The following KCNIP4 variants were observed in gnomAD, a reference collection of about 807,000 sequenced individuals.
KCNIP4 encodes the protein potassium voltage-gated channel interacting protein 4, also known as Kv channel-interacting protein 4.
In KCNIP4, 12 loss-of-function variants were observed where a neutral mutation model predicts 34.0. That is an observed-to-expected ratio of 0.35 (90% CI 0.23 to 0.57). KCNIP4 has a LOEUF of 0.57. Ranked by LOEUF, KCNIP4 falls within the 20% of genes least tolerant of loss-of-function variation. The pLI, the probability that KCNIP4 is intolerant of heterozygous loss-of-function variation, is 0.83. For missense variants in KCNIP4, 238 were observed against 311.7 expected, an observed-to-expected ratio of 0.76 and a Z score of 1.78; for synonymous variants, 124 against 102.2, an observed-to-expected ratio of 1.21 and a Z score of -1.29.
At chr4:21,601,333 A>G (rs1827594) in intron 1 of KCNIP4, among the ~76,000 whole-genome samples, 32,091 of 151,930 alleles carry the variant, frequency 0.21, 4,164 homozygotes, top group East Asian at 0.5. Flanking sequence ...CTGTCAATTT[A>G]CCCCAACTAA....
chr4:21,292,922 C>T (rs935395207), intron 1 of KCNIP4, among the ~76,000 whole-genome samples: 1 of 152,048 alleles, frequency 6.6e-6, no homozygotes, highest in Non-Finnish European at 1.5e-5. Context: ...AGCAGGAGCT[C>T]AGTAATTATA....
At chr4:21,813,323 A>G (rs1281758293) in intron 1 of KCNIP4, among the ~76,000 whole-genome samples, 1 of 152,220 alleles carries the variant, frequency 6.6e-6, no homozygotes, top group Non-Finnish European at 1.5e-5. Flanking sequence ...TAACAAGAAC[A>G]AATAGTATTA....
At chr4:21,130,355 A>G (rs1750970413) in intron 1 of KCNIP4, among the ~76,000 whole-genome samples, 1 of 152,200 alleles carries the variant, frequency 6.6e-6, no homozygotes, top group South Asian at 2.1e-4. Flanking sequence ...GAACCATTAC[A>G]GAAGTTAAAA....
At chr4:21,904,562 G>T (rs1037481303) in intron 1 of KCNIP4, among the ~76,000 whole-genome samples, 5 of 152,178 alleles carry the variant, frequency 3.3e-5, no homozygotes, top group African/African-American at 1.2e-4. Context: ...GAAATCTACT[G>T]TAGAAGTTTA....
intron 1 of KCNIP4, among the ~76,000 whole-genome samples, chr4:21,891,238 T>C (rs371194785): frequency 1.3e-5 from 2 of 152,262 alleles, no homozygotes; most frequent in East Asian, 3.9e-4. Flanking sequence ...ATTCAGGGTA[T>C]GCTTAAATTA....
intron 1 of KCNIP4, among the ~76,000 whole-genome samples, chr4:21,652,147 C>A (rs561769166): frequency 3.9e-5 from 6 of 152,244 alleles, no homozygotes; most frequent in African/African-American, 1.2e-4. Flanking sequence ...AAAAGTTGTG[C>A]TTCTCATTGA....
chr4:21,598,254 T>A (rs1742812666), intron 1 of KCNIP4, among the ~76,000 whole-genome samples: 1 of 152,100 alleles, frequency 6.6e-6, no homozygotes, highest in South Asian at 2.1e-4. Flanking sequence ...AAAAGGTTAA[T>A]CAGCTAGACC....
Position 20,749,791 on chromosome 4 carries a change from T to G in KCNIP4, c.359-59A>C, listed in dbSNP as rs1753252192. The G allele has an allele frequency of 2.0e-5, 23 of 1,134,098 alleles. No individual in the cohort carries two copies. The South Asian group carries it at 3.0e-4, about 15-fold the overall frequency. The allele number at this position is 1,134,098 out of a possible 1,614,324, so 70.3% of individuals were successfully genotyped here. A position where few individuals can be genotyped will look rare whatever the true frequency, so the allele number is the denominator to read the frequency against. On this transcript the variant is annotated intron_variant, in intron 4 of 8. Coordinates refer to ENST00000382152, the MANE Select transcript of KCNIP4 (RefSeq NM_025221.6). ...GTGTTTCCATATCCTACATAAGACTTGGATAGCAGTCCAAGCTTCCTTTGA... is the reference window on the plus strand; with the variant it reads ...GTGTTTCCATATCCTACATAAGACTGGGATAGCAGTCCAAGCTTCCTTTGA...
chr4:21,872,756 T>G (rs1725890535), intron 1 of KCNIP4, among the ~76,000 whole-genome samples: 1 of 152,174 alleles, frequency 6.6e-6, no homozygotes, highest in Admixed American at 6.5e-5. Flanking sequence ...CCTGAAGAGA[T>G]GTACTGGCAA....
chr4:21,326,705 G>A (rs897461752), intron 1 of KCNIP4, among the ~76,000 whole-genome samples: 2 of 134,218 alleles, frequency 1.5e-5, no homozygotes, highest in African/African-American at 2.8e-5. Context: ...TTGTTTTTTC[G>A]GTTTTCTCTT....
At chr4:21,585,973 G>T (rs1409816189) in intron 1 of KCNIP4, among the ~76,000 whole-genome samples, 2 of 152,028 alleles carry the variant, frequency 1.3e-5, no homozygotes, top group Non-Finnish European at 2.9e-5. Context: ...ATCCTTTGGT[G>T]AAGAAGAGAA....
intron 1 of KCNIP4, among the ~76,000 whole-genome samples, chr4:21,875,326 T>C (rs1578099219): frequency 1.3e-5 from 2 of 152,030 alleles, no homozygotes; most frequent in South Asian, 2.1e-4. Flanking sequence ...AGACACAGAG[T>C]CACCAGCAGC....
chr4:21,197,140 A>T (rs1173461102), intron 1 of KCNIP4, among the ~76,000 whole-genome samples: 8 of 152,148 alleles, frequency 5.3e-5, no homozygotes, highest in Non-Finnish European at 1.2e-4. Flanking sequence ...AATATATCAC[A>T]ATTTATCCAT....
chr4:21,294,149 A>G (rs1190699778), intron 1 of KCNIP4, among the ~76,000 whole-genome samples: 1 of 152,212 alleles, frequency 6.6e-6, no homozygotes, highest in Non-Finnish European at 1.5e-5. Context: ...CAAAGTGCTC[A>G]TTAAGGTGTG....
chr4:21,030,993 A>G (rs1000780547), intron 1 of KCNIP4, among the ~76,000 whole-genome samples: 5 of 152,140 alleles, frequency 3.3e-5, no homozygotes, highest in African/African-American at 1.2e-4. Context: ...CCAGAGAAAC[A>G]CCTTCAAAGG....
chr4:21,441,415 T>C (rs1349016690), intron 1 of KCNIP4, among the ~76,000 whole-genome samples: 1 of 152,022 alleles, frequency 6.6e-6, no homozygotes, highest in Non-Finnish European at 1.5e-5. Context: ...AGTGCTGGGA[T>C]TACAGGCATG....
chr4:21,070,672 T>TA (rs1159600269), intron 1 of KCNIP4, among the ~76,000 whole-genome samples: 20 of 112,556 alleles, frequency 1.8e-4, no homozygotes, highest in Non-Finnish European at 9.3e-5. Context: ...GATTTTTTTT[T>TA]TTTTTTTTTT....
At chr4:21,382,212 A>T (rs1367592273) in intron 1 of KCNIP4, among the ~76,000 whole-genome samples, 1 of 152,190 alleles carries the variant, frequency 6.6e-6, no homozygotes, top group Non-Finnish European at 1.5e-5. Context: ...TCATTGAAAG[A>T]GACAGTATGG....
At position 20,759,830 on chromosome 4, in the gene KCNIP4, T is replaced by C. The variant is rs558529857; in HGVS notation, c.289-940A>G. On this transcript the variant is annotated intron_variant, in intron 3 of 8. Coordinates refer to ENST00000382152, the MANE Select transcript of KCNIP4 (RefSeq NM_025221.6). ...TGAGTGGTGGAGACTGACAATCACATGATAGCCCAGAATTGAATCATGTGA... is the reference window on the plus strand; with the variant it reads ...TGAGTGGTGGAGACTGACAATCACACGATAGCCCAGAATTGAATCATGTGA... 1.1e-4 allele frequency among the ~76,000 whole-genome samples: 17 copies of C among 152,188 alleles called. 1 individual carries two copies. In the South Asian group the frequency reaches 3.1e-3, roughly 28 times the overall value.
Sources: allele counts gnomAD v4.1 joint callset (sites outside exome capture counted in the v4.1 genomes callset), GRCh38; gene constraint gnomAD v4.1.1; transcripts MANE v1.5; gene names NCBI Gene and HGNC (gene_info 2026-07-23, HGNC 2026-07-21).